Variants in LAMA3 observed in about 807,000 individuals in gnomAD.
The protein encoded by LAMA3 is laminin subunit alpha-3.
A neutral mutation model predicts 402.0 loss-of-function variants in LAMA3; 281 were observed. That is an observed-to-expected ratio of 0.70 (90% CI 0.63 to 0.77). LAMA3 has a LOEUF of 0.77. Ranked by LOEUF, LAMA3 falls within the 30% of genes least tolerant of loss-of-function variation. LAMA3 has a pLI of 0.00. For missense variants in LAMA3, 3,840 were observed against 4,215.5 expected (o/e 0.91, Z 2.47); for synonymous variants, 1,431 against 1,558.4 (o/e 0.92, Z 1.93).
rs540615477 is a variant in LAMA3 at position 23,863,019 on chromosome 18, GAA to G, written c.4584+1214_4584+1215del. On this transcript the variant is annotated intron_variant, in intron 35 of 74. Transcript: ENST00000313654. ...AGGGTGGGGGAGAGAGAGAGAGAGA[GAA>G]AGAGAGAGAGAGAGAGAGAGCTAGC... Among the ~76,000 whole-genome samples, 393 of 151,850 alleles carry G rather than the reference GAA, an allele frequency of 2.6e-3. 2 individuals carry two copies. The highest frequency in any genetic ancestry group is 9.1e-3 in the African/African-American group (376 of 41,358).
chr18:23,867,498 A>C (rs1042583609), intron 36 of LAMA3, among the ~76,000 whole-genome samples: 3 of 150,146 alleles, frequency 2.0e-5, no homozygotes, highest in Non-Finnish European at 4.4e-5. Flanking sequence ...GCAGTGAGCC[A>C]AGGTTGTGCC....
At chr18:23,883,024 C>T (rs1018211360) in intron 40 of LAMA3, among the ~76,000 whole-genome samples, 1 of 152,094 alleles carries the variant, frequency 6.6e-6, no homozygotes, top group Non-Finnish European at 1.5e-5. Context: ...ATTTTGGCCA[C>T]GAGGCTCCTA....
Position 23,879,887 on chromosome 18 carries a change from A to G in LAMA3, c.5113-2049A>G, listed in dbSNP as rs2064841621. Among the ~76,000 whole-genome samples, 1 of 152,174 alleles carries G rather than the reference A, an allele frequency of 6.6e-6. No individual in the cohort carries two copies. On this transcript the variant is annotated intron_variant, in intron 39 of 74. Coordinates refer to ENST00000313654, the MANE Select transcript of LAMA3 (RefSeq NM_198129.4). This position sits in a 1 kb window ranked among gnomAD's most constrained non-coding sequence, Gnocchi z 4.2. ...TCAGAGTGATTTTAGTAGGATACGG[A>G]TGTCCTCACCTCAATTCTTGCATCT...
At chr18:23,760,279 T>C (rs952895383) in intron 7 of LAMA3, among the ~76,000 whole-genome samples, 5 of 152,200 alleles carry the variant, frequency 3.3e-5, no homozygotes, top group African/African-American at 1.2e-4. Context: ...CTAAATTCCC[T>C]TTGAAATATA....
Position 23,904,807 on chromosome 18 carries a change from CTTG to C in LAMA3, c.6615+118_6615+120del, listed in dbSNP as rs570401896. On this transcript the variant is annotated intron_variant, in intron 51 of 74. Coordinates refer to ENST00000313654, the MANE Select transcript of LAMA3 (RefSeq NM_198129.4). ...AACAAAGCATTATTTTAAATCAGAA[CTTG>C]TTGTATAGAATAGAACTTGCCCTAG... 209 of 1,186,646 alleles carry C rather than the reference CTTG, an allele frequency of 1.8e-4. No individual in the cohort carries two copies. The African/African-American group carries it at 2.1e-3, about 12-fold the overall frequency. The allele number at this position is 1,186,646 out of a possible 1,614,324, so 73.5% of individuals were successfully genotyped here.
chr18:23,714,164 C>A (rs1465924739), intron 2 of LAMA3, 92 bp downstream of exon 2: 4 of 1,194,876 alleles, frequency 3.3e-6, no homozygotes, highest in African/African-American at 1.6e-5. Flanking sequence ...AAAAAAAAAA[C>A]AAACTTCAGT....
At chr18:23,938,553 C>A (rs745721481) in intron 67 of LAMA3, among the ~76,000 whole-genome samples, 10 of 152,136 alleles carry the variant, frequency 6.6e-5, no homozygotes, top group East Asian at 5.8e-4. Flanking sequence ...TCTTTCTCTC[C>A]TGCTATCTTG....
rs1197299715 is a variant in LAMA3, at chr18:23,751,011, T to G, written c.778T>G (p.Leu260Val). 2 of 1,614,224 alleles carry G rather than the reference T, an allele frequency of 1.2e-6. No individual in the cohort carries two copies. Among genetic ancestry groups the G allele is most frequent in the Admixed American group, 1.7e-5 (1 of 60,020 alleles). Residue 260 changes from leucine (L) to valine (V), a missense_variant, in exon 5 of 75, where the codon TTG becomes GTG. By Grantham distance (32) the Leu-to-Val change is conservative. Transcript: ENST00000313654. Reference protein sequence around the residue: ...REFTKATNIRLRFLRTNTLLG... With the variant: ...REFTKATNIRVRFLRTNTLLG... ...GTTTACCAAGGCAACAAACATCCGC[T>G]TGCGTTTTCTTAGAACCAATACGCT...
At chr18:23,828,559 C>T (rs1039992236) in intron 23 of LAMA3, among the ~76,000 whole-genome samples, 15 of 151,954 alleles carry the variant, frequency 9.9e-5, no homozygotes, top group Admixed American at 3.9e-4. Flanking sequence ...TGCACATACA[C>T]GTACATATAC....
intron 8 of LAMA3, among the ~76,000 whole-genome samples, chr18:23,766,651 A>C (rs990229212): frequency 2.6e-5 from 4 of 152,210 alleles, no homozygotes; most frequent in Admixed American, 1.3e-4. Flanking sequence ...CAGCCTGGCC[A>C]CCATGGTGAA....
chr18:23,747,931 T>C lies in LAMA3; in HGVS notation c.448-12T>C, dbSNP rs1161581670. ...GATGACATTAATAACTGTATCTCTT[T>C]TGTTTTATCAGCTCTTCCATGTGGC... is the stretch of plus-strand genomic sequence containing the variant. On this transcript the variant is annotated splice_polypyrimidine_tract_variant and intron_variant, in intron 2 of 74. Coordinates refer to ENST00000313654, the MANE Select transcript of LAMA3 (RefSeq NM_198129.4). 15 of 1,409,578 alleles carry C rather than the reference T, an allele frequency of 1.1e-5. No homozygotes were observed. Among genetic ancestry groups the C allele is most frequent in the Non-Finnish European group, 1.5e-5 (15 of 993,610 alleles). 87.3% of individuals were successfully genotyped at this position (1,409,578 alleles called of 1,614,324 possible).
chr18:23,796,494 A>G (rs1316778948), intron 12 of LAMA3, among the ~76,000 whole-genome samples: 1 of 152,192 alleles, frequency 6.6e-6, no homozygotes, highest in East Asian at 1.9e-4. Context: ...CTTTGAGAAA[A>G]CATAGTTCCC....
At chr18:23,864,668 A>C (rs2064308161) in intron 35 of LAMA3, 117 bp from the exon 36 acceptor site, 2 of 725,528 alleles carry the variant, frequency 2.8e-6, no homozygotes, top group Non-Finnish European at 5.0e-6. Flanking sequence ...AACCCTTGTT[A>C]CCAGGTCGAG....
chr18:23,817,038 G>A (rs2063189481), intron 18 of LAMA3, among the ~76,000 whole-genome samples: 1 of 152,188 alleles, frequency 6.6e-6, no homozygotes, highest in Non-Finnish European at 1.5e-5. Context: ...GGACCCAGGA[G>A]TGAGGAAGTA....
chr18:23,773,007 G>C lies in LAMA3; in HGVS notation c.1183-490G>C, dbSNP rs182362163. Among the ~76,000 whole-genome samples the C allele has an allele frequency of 1.7e-4, 26 of 152,238 alleles. No homozygotes were observed. In the East Asian group the frequency reaches 2.1e-3, roughly 12 times the overall value. ...CATGAAACAGAGGTATTCAGAAAAG[G>C]GTTTTATGACTAAAGCACAGATAAA... On this transcript the variant is annotated intron_variant, in intron 8 of 74. Transcript: ENST00000313654.
intron 73 of LAMA3, 109 bp from the exon 74 acceptor site, chr18:23,952,881 A>G (rs962580272): frequency 6.8e-6 from 10 of 1,476,528 alleles, no homozygotes; most frequent in Non-Finnish European, 9.4e-6. Context: ...AATTTCTGCA[A>G]ACAGCACTCC....
At position 23,890,088 on chromosome 18, in the gene LAMA3, A is replaced by C. The variant is rs760481191; in HGVS notation, c.5381A>C (p.Gln1794Pro). Residue 1794 changes from glutamine (Q) to proline (P), a missense_variant, in exon 42 of 75, where the codon CAG (glutamine) becomes CCG (proline). Around this residue, in one of 3 missense-constraint regions of LAMA3, gnomAD observed 2,109 missense variants for 2,376.0 expected, o/e 0.89. Transcript: ENST00000313654. The stretch of plus-strand genomic sequence containing the variant: ...CCATGCAGTTGTAACAGCAATGGCC[A>C]GCTGGGCAGCTGTCATCCCCTGACT... ...CQPCSCNSNG[Q>P]LGSCHPLTGD... 6.2e-6 allele frequency: 10 copies of C among 1,613,844 alleles called. No individual in the cohort carries two copies. In the South Asian group the frequency reaches 1.1e-4, roughly 18 times the overall value.
chr18:23,916,597 G>C lies in LAMA3; in HGVS notation c.7825G>C (p.Ala2609Pro), dbSNP rs1359399537. 6.2e-7 allele frequency: 1 copy of C among 1,614,002 alleles called. No individual in the cohort carries two copies. The highest frequency in any genetic ancestry group is 1.3e-5 in the African/African-American group (1 of 74,922). ...DKNYFEGTGY[A>P]RVPTQPHAPI... ...AAATTATTTTGAAGGTACGGGCTAT[G>C]CTCGAGTTCCAACTCAACCACATGC... The change falls in exon 60 of 75, where the codon GCT becomes CCT. Residue 2609 changes from alanine (A) to proline (P), a missense_variant. Around this residue, in one of 3 missense-constraint regions of LAMA3, gnomAD observed 840 missense variants for 981.9 expected, o/e 0.86. Coordinates refer to ENST00000313654, the MANE Select transcript of LAMA3 (RefSeq NM_198129.4).
chr18:23,697,775 C>A (rs1313867853), intron 1 of LAMA3, among the ~76,000 whole-genome samples: 2 of 145,678 alleles, frequency 1.4e-5, no homozygotes, highest in African/African-American at 5.1e-5. Flanking sequence ...GATACTCAAC[C>A]TGTGTCAGTT....
Sources: allele counts gnomAD v4.1 joint callset (sites outside exome capture counted in the v4.1 genomes callset), GRCh38; gene constraint gnomAD v4.1.1; regional missense constraint gnomAD v4.1.1; non-coding constraint Gnocchi (gnomAD v3.1); transcripts MANE v1.5; gene names NCBI Gene and HGNC (gene_info 2026-07-23, HGNC 2026-07-21).